Variants in FANCL observed in about 807,000 individuals in gnomAD.
FANCL encodes E3 ubiquitin-protein ligase FANCL.
A neutral mutation model predicts 59.4 loss-of-function variants in FANCL; 69 were observed. The observed-to-expected ratio is 1.16, with a 90% CI of 0.96 to 1.42. The LOEUF is 1.42. Ranked by LOEUF, FANCL falls within the 40% of genes most tolerant of loss-of-function variation. The pLI is 0.00. For synonymous variants in FANCL, 180 were observed against 147.1 expected, an observed-to-expected ratio of 1.22 and a Z score of -1.62; for missense variants, 519 against 447.2, an observed-to-expected ratio of 1.16 and a Z score of -1.45.
chr2:58,182,401 T>C (rs1050697341), intron 7 of FANCL, among the ~76,000 whole-genome samples: 2 of 151,808 alleles, frequency 1.3e-5, no homozygotes, highest in African/African-American at 2.4e-5. Context: ...GTCCAAATAT[T>C]ACCAGAGTCA....
intron 7 of FANCL, among the ~76,000 whole-genome samples, chr2:58,175,737 C>G (rs1470218020): frequency 1.3e-5 from 2 of 152,156 alleles, no homozygotes; most frequent in Non-Finnish European, 2.9e-5. Flanking sequence ...CAGGGATGCC[C>G]TCTCTCACCA....
intron 1 of FANCL, among the ~76,000 whole-genome samples, chr2:58,240,902 A>AT (rs1694466131): frequency 6.6e-6 from 1 of 152,220 alleles, no homozygotes; most frequent in Non-Finnish European, 1.5e-5. Flanking sequence ...ACAAAAAAAA[A>AT]ATTAAAAAAC....
At chr2:58,234,906 G>A (rs1405002336) in intron 1 of FANCL, among the ~76,000 whole-genome samples, 3 of 151,916 alleles carry the variant, frequency 2.0e-5, no homozygotes, top group Non-Finnish European at 4.4e-5. Flanking sequence ...TTTAAAAATT[G>A]GACAAAACAT....
In FANCL at chr2:58,217,145, T is replaced by A. The variant is rs371223229; in HGVS notation, c.374+4797A>T. Among the ~76,000 whole-genome samples, 373 of 67,374 alleles carry A rather than the reference T, an allele frequency of 5.5e-3. 4 individuals are homozygous for A. Among genetic ancestry groups the A allele is most frequent in the Non-Finnish European group, 8.2e-3 (246 of 30,072 alleles). 44.2% of individuals were successfully genotyped at this position (67,374 alleles called of 152,430 possible). On this transcript the variant is annotated intron_variant, in intron 5 of 13. Coordinates refer to ENST00000233741, the MANE Select transcript of FANCL (RefSeq NM_018062.4). The stretch of plus-strand genomic sequence containing the variant: ...TATATATATATTTTTATATATAGAT[T>A]TATATATATATTTATATATTTTATA...
chr2:58,190,845 G>C (rs541712194), intron 7 of FANCL, among the ~76,000 whole-genome samples: 5 of 151,854 alleles, frequency 3.3e-5, no homozygotes, highest in African/African-American at 1.2e-4. Context: ...CTAATAAATT[G>C]GTTTGGCTTC....
intron 7 of FANCL, among the ~76,000 whole-genome samples, chr2:58,168,562 T>A (rs111441322): frequency 4.8e-4 from 73 of 152,088 alleles, no homozygotes; most frequent in African/African-American, 1.6e-3. Context: ...GTTTTTTTTT[T>A]AATACCCCAG....
Position 58,159,744 on chromosome 2 carries a change from C to A in FANCL, c.*21G>T, listed in dbSNP as rs756362960. On this transcript the variant is annotated 3_prime_UTR_variant, in exon 14 of 14. Coordinates refer to ENST00000233741, the MANE Select transcript of FANCL (RefSeq NM_018062.4). The stretch of plus-strand genomic sequence containing the variant: ...AATTTTTTAAGTTTCCAGCTCTTCA[C>A]CGAAATGTTGTATTCTTATTTCAGT... 10 of 1,612,810 alleles carry A rather than the reference C, an allele frequency of 6.2e-6. No homozygotes were observed. The highest frequency in any genetic ancestry group is 3.3e-5 in the Admixed American group (2 of 59,900).
chr2:58,229,876 T>A lies in FANCL; in HGVS notation c.156-2A>T. 1.9e-6 allele frequency: 3 copies of A among 1,603,668 alleles called. No homozygotes were observed. The highest frequency in any genetic ancestry group is 2.6e-6 in the Non-Finnish European group (3 of 1,170,730). On this transcript the variant is annotated splice_acceptor_variant, in intron 2 of 13. Transcript: ENST00000233741. LOFTEE classifies it high-confidence loss of function. ...CTCAGCTGCCAACTACATAATAATCTAAAATTTTAATGAGACAAAATGGTT... is the reference window on the plus strand; with the variant it reads ...CTCAGCTGCCAACTACATAATAATCAAAAATTTTAATGAGACAAAATGGTT...
At chr2:58,202,953 C>T (rs1009119300) in intron 6 of FANCL, among the ~76,000 whole-genome samples, 1 of 150,232 alleles carries the variant, frequency 6.7e-6, no homozygotes, top group Admixed American at 6.7e-5. Context: ...ACAAATAGAG[C>T]TTTGAAGGAA....
At chr2:58,179,973 GCTC>G (rs1416631047) in intron 7 of FANCL, among the ~76,000 whole-genome samples, 1 of 152,256 alleles carries the variant, frequency 6.6e-6, no homozygotes, top group East Asian at 1.9e-4. Flanking sequence ...ATGAAAAAAA[GCTC>G]ATCATCACTG....
At chr2:58,217,165 T>A (rs796987370) in intron 5 of FANCL, among the ~76,000 whole-genome samples, 683 of 45,096 alleles carry the variant, frequency 0.015, 23 homozygotes, top group African/African-American at 0.058. Flanking sequence ...ATTTATATAT[T>A]TTATATATAT....
intron 5 of FANCL, among the ~76,000 whole-genome samples, chr2:58,220,751 A>C (rs1692396939): frequency 6.6e-6 from 1 of 152,204 alleles, no homozygotes; most frequent in Non-Finnish European, 1.5e-5. Flanking sequence ...TAGCTAAAAA[A>C]CAGATGAATA....
Position 58,226,740 on chromosome 2 carries a change from C to T in FANCL, c.261G>A (p.Leu87=), listed in dbSNP as rs1049409962. The change falls in exon 4 of 14, where the codon TTG becomes TTA. Residue 87 remains leucine, a synonymous_variant. Transcript: ENST00000233741. ...SPDLMSFMME[L]KMLLEVALKN... ...AAAAAATTCTTACCAAAAGCATCTTCAACTCCATCATAAAGCTCATTAGAT... is the reference window on the plus strand; with the variant it reads ...AAAAAATTCTTACCAAAAGCATCTTTAACTCCATCATAAAGCTCATTAGAT... 7.3e-5 allele frequency: 117 copies of T among 1,612,742 alleles called. No individual in the cohort carries two copies. Among genetic ancestry groups the T allele is most frequent in the Non-Finnish European group, 9.8e-5 (115 of 1,179,342 alleles).
intron 8 of FANCL, 115 bp from the exon 9 acceptor site, chr2:58,163,632 T>A (rs904721982): frequency 1.3e-5 from 9 of 684,464 alleles, no homozygotes; most frequent in African/African-American, 3.6e-5. Context: ...CACGGAAAGA[T>A]TAACCAAATG....
At chr2:58,184,802 G>A (rs867778813) in intron 7 of FANCL, among the ~76,000 whole-genome samples, 3 of 151,994 alleles carry the variant, frequency 2.0e-5, no homozygotes, top group Non-Finnish European at 4.4e-5. Flanking sequence ...TCTCAGCAAC[G>A]TCCTGACCTT....
chr2:58,159,883 A>G (rs1015086103), intron 13 of FANCL, 83 bp from the exon 14 acceptor site: 2 of 1,589,612 alleles, frequency 1.3e-6, no homozygotes, highest in Admixed American at 1.8e-5. Flanking sequence ...AGTGTCATAG[A>G]ATAGTGTCAT....
At chr2:58,202,098 T>C (rs1212748340) in intron 6 of FANCL, among the ~76,000 whole-genome samples, 4 of 151,706 alleles carry the variant, frequency 2.6e-5, no homozygotes, top group African/African-American at 9.7e-5. Flanking sequence ...TTTCTTTTTT[T>C]TTCCCTAAAA....
intron 13 of FANCL, 76 bp downstream of exon 13, chr2:58,160,032 T>TAGA: frequency 6.3e-7 from 1 of 1,599,850 alleles, no homozygotes; most frequent in South Asian, 1.1e-5. Context: ...ACTGATATAC[T>TAGA]ATATAGATCT....
chr2:58,161,977 G>A (rs1685252582), intron 11 of FANCL, among the ~76,000 whole-genome samples: 1 of 151,832 alleles, frequency 6.6e-6, no homozygotes, highest in Non-Finnish European at 1.5e-5. Context: ...AGCTATTGTA[G>A]GGTGTTTCCT....
Sources: allele counts gnomAD v4.1 joint callset (sites outside exome capture counted in the v4.1 genomes callset), GRCh38; gene constraint gnomAD v4.1.1; transcripts MANE v1.5; gene names NCBI Gene and HGNC (gene_info 2026-07-23, HGNC 2026-07-21).